Variants in TENM3 observed in about 807,000 individuals in gnomAD.
TENM3 encodes the protein teneurin transmembrane protein 3.
TENM3 carries 63 observed loss-of-function variants against 255.1 expected under a neutral mutation model. The observed-to-expected ratio is 0.25, with a 90% CI of 0.20 to 0.30. The LOEUF (loss-of-function observed/expected upper bound fraction) is 0.30, where lower values mean the gene tolerates loss of function less well. Among genes scored for constraint, TENM3 ranks in the 10% least tolerant of loss-of-function variants. The pLI is 1.00. For missense variants in TENM3, 2,929 were observed against 3,461.1 expected (o/e 0.85, Z 3.86); for synonymous variants, 1,306 against 1,322.3 (o/e 0.99, Z 0.27).
the TENM3 span, among the ~76,000 whole-genome samples, chr4:181,469,488 C>T: frequency 6.6e-6 from 1 of 152,132 alleles, no homozygotes; most frequent in East Asian, 1.9e-4. Flanking sequence ...TACTTATTAA[C>T]ATTTTATTTT....
chr4:182,466,895 T>C (rs1732656034), intron 3 of TENM3, among the ~76,000 whole-genome samples: 1 of 151,406 alleles, frequency 6.6e-6, no homozygotes, highest in African/African-American at 2.4e-5. Flanking sequence ...GGGGTTTAGA[T>C]ACGTTAGAAT....
intron 1 of TENM3, among the ~76,000 whole-genome samples, chr4:182,306,194 CT>C (rs891305700): frequency 2.6e-5 from 4 of 151,304 alleles, no homozygotes; most frequent in Admixed American, 6.6e-5. Context: ...TTCTTTCTTT[CT>C]TTTTTTTTCT....
chr4:181,835,853 G>T, the TENM3 span, among the ~76,000 whole-genome samples: 84 of 152,276 alleles, frequency 5.5e-4, no homozygotes, highest in African/African-American at 1.9e-3. Context: ...TTGGTTAATT[G>T]TCTGATTAAG....
At chr4:181,875,860 C>T in the TENM3 span, among the ~76,000 whole-genome samples, 2 of 151,948 alleles carry the variant, frequency 1.3e-5, no homozygotes, top group South Asian at 4.2e-4. Flanking sequence ...CACATAATAA[C>T]TTGAATATGC....
chr4:182,418,281 A>G (rs1000181866), intron 3 of TENM3, among the ~76,000 whole-genome samples: 6 of 152,252 alleles, frequency 3.9e-5, no homozygotes, highest in African/African-American at 1.2e-4. Context: ...TATTTTCAAA[A>G]AGCAAGTCAG....
the TENM3 span, among the ~76,000 whole-genome samples, chr4:181,761,000 A>ACACATG: frequency 6.3e-4 from 3 of 4,800 alleles, no homozygotes; most frequent in African/African-American, 1.4e-3. Flanking sequence ...ACACACACAC[A>ACACATG]CACACACACA....
At chr4:181,793,783 G>A in the TENM3 span, among the ~76,000 whole-genome samples, 1 of 152,168 alleles carries the variant, frequency 6.6e-6, no homozygotes, top group Non-Finnish European at 1.5e-5. Flanking sequence ...TTGCATGAGT[G>A]TCTGAATCAA....
intron 6 of TENM3, among the ~76,000 whole-genome samples, chr4:182,659,304 T>TTA (rs1754016399): frequency 2.2e-5 from 3 of 135,800 alleles, no homozygotes; most frequent in Non-Finnish European, 3.3e-5. Context: ...GGTCTGAAAC[T>TTA]ATTAAGATAC....
the TENM3 span, among the ~76,000 whole-genome samples, chr4:181,515,792 A>C: frequency 6.6e-6 from 1 of 152,192 alleles, no homozygotes; most frequent in East Asian, 1.9e-4. Flanking sequence ...TCATAAAGAA[A>C]GAGCTAAGAT....
chr4:181,479,109 T>G, the TENM3 span, among the ~76,000 whole-genome samples: 1 of 152,320 alleles, frequency 6.6e-6, no homozygotes, highest in African/African-American at 2.4e-5. Flanking sequence ...TAATGCACTT[T>G]GCTAAAGTCA....
At chr4:182,160,703 C>G (rs924312045) in intron 1 of TENM3, among the ~76,000 whole-genome samples, 2 of 152,110 alleles carry the variant, frequency 1.3e-5, no homozygotes, top group Non-Finnish European at 2.9e-5. Flanking sequence ...GAAGGGGAGA[C>G]GTTGGTCAAA....
chr4:182,190,473 C>CTT (rs1306433523), intron 1 of TENM3: 3 of 152,204 alleles, frequency 2.0e-5, no homozygotes, highest in Admixed American at 2.0e-4. Flanking sequence ...ATTGGACGTC[C>CTT]TCTAAGTACC....
the TENM3 span, among the ~76,000 whole-genome samples, chr4:181,512,683 C>T: frequency 4.6e-5 from 7 of 152,194 alleles, no homozygotes; most frequent in Non-Finnish European, 1.0e-4. Context: ...CTGCCACAGT[C>T]TGTGAACCAG....
chr4:181,765,667 G>A, the TENM3 span, among the ~76,000 whole-genome samples: 2 of 152,108 alleles, frequency 1.3e-5, no homozygotes, highest in African/African-American at 2.4e-5. Flanking sequence ...GGTCATCAAT[G>A]AGAACTGAAA....
intron 3 of TENM3, among the ~76,000 whole-genome samples, chr4:182,372,043 T>C (rs1385147470): frequency 6.6e-6 from 1 of 152,212 alleles, no homozygotes; most frequent in Non-Finnish European, 1.5e-5. Context: ...GTTTGCAGCT[T>C]AAGGTGTTAT....
the TENM3 span, among the ~76,000 whole-genome samples, chr4:181,595,443 A>AAAAAAAAAAAACAAAAAAAAAAC: frequency 3.1e-5 from 4 of 130,770 alleles, no homozygotes; most frequent in African/African-American, 1.3e-4. Context: ...AAAAAAAAAA[A>AAAAAAAAAAAACAAAAAAAAAAC]AAAAAAAAAA....
At chr4:182,025,723 G>A in the TENM3 span, among the ~76,000 whole-genome samples, 1 of 152,064 alleles carries the variant, frequency 6.6e-6, no homozygotes, top group African/African-American at 2.4e-5. Context: ...ATTTTTTGCT[G>A]GGGTAAAATG....
intron 2 of TENM3, among the ~76,000 whole-genome samples, chr4:182,330,216 G>A (rs1005324505): frequency 2.4e-4 from 36 of 152,204 alleles, no homozygotes; most frequent in African/African-American, 8.7e-4. Context: ...TTCATGTAAT[G>A]TAAGTTTTCG....
rs77130746 is a variant in TENM3, at chr4:182,338,040, A to G, written c.233-8611A>G. 4.1e-3 allele frequency among the ~76,000 whole-genome samples: 620 copies of G among 152,296 alleles called. 4 individuals are homozygous for G. Among genetic ancestry groups the G allele is most frequent in the African/African-American group, 0.014 (586 of 41,554 alleles). ...TCTTGCTTGGGGTCATGGTGGGTAC[A>G]TTTGTTAAAACTCATGGAAGTATCC... On this transcript the variant is annotated intron_variant, in intron 2 of 27. Transcript: ENST00000511685.
Sources: gnomAD v4.1 joint callset for allele counts (sites outside exome capture counted in the v4.1 genomes callset) on GRCh38, gnomAD v4.1.1 for gene constraint, MANE v1.5 for transcripts, NCBI Gene and HGNC (gene_info 2026-07-23, HGNC 2026-07-21) for gene names.